NKX2-2: variants seen among roughly 807,000 people sequenced by gnomAD.
The protein encoded by NKX2-2 is homeobox protein Nkx-2.2.
In NKX2-2, 8 loss-of-function variants were observed where a neutral mutation model predicts 24.6. The ratio of observed to expected loss-of-function variants is 0.32; its 90% CI spans 0.19 to 0.59. NKX2-2 has a LOEUF of 0.59. Among genes scored for constraint, NKX2-2 ranks in the 20% least tolerant of loss-of-function variants. NKX2-2 has a pLI of 0.86. For synonymous variants in NKX2-2, 217 were observed against 173.3 expected (o/e 1.25, Z -1.98); for missense variants, 381 against 373.9 (o/e 1.02, Z -0.16).
At position 21,512,130 on chromosome 20, in the gene NKX2-2, C is replaced by T; in HGVS notation, c.615G>A (p.Val205=). The T allele has an allele frequency of 3.7e-6, 6 of 1,613,690 alleles. No individual in the cohort carries two copies. The highest frequency in any genetic ancestry group is 1.1e-5 in the South Asian group (1 of 91,064). The change falls in exon 2 of 2, where the codon GTG becomes GTA. Residue 205 remains valine, a synonymous_variant. Coordinates refer to ENST00000377142, the MANE Select transcript of NKX2-2 (RefSeq NM_002509.4). The part of the protein sequence containing the change: ...TPLPSPRRVA[V]PVLVRDGKPC... ...GTTTGCCGTCCCTGACCAAGACGGGCACGGCCACCCGGCGCGGCGAGGGCA... is the reference window on the plus strand; with the variant it reads ...GTTTGCCGTCCCTGACCAAGACGGGTACGGCCACCCGGCGCGGCGAGGGCA...
the NKX2-2 span, among the ~76,000 whole-genome samples, chr20:21,520,911 GAA>G: frequency 6.6e-6 from 1 of 152,200 alleles, no homozygotes; most frequent in Non-Finnish European, 1.5e-5. Context: ...AACACGCGCT[GAA>G]AGCACTCTCT....
chr20:21,515,266 CGGGGGT>C (rs1003206511), upstream of NKX2-2, among the ~76,000 whole-genome samples: 38 of 41,542 alleles, frequency 9.1e-4, no homozygotes, highest in Non-Finnish European at 1.7e-3. Context: ...GGCGGGATTG[CGGGGGT>C]GGGGGTGGGG....
At chr20:21,521,810 C>G in the NKX2-2 span, among the ~76,000 whole-genome samples, 3 of 152,232 alleles carry the variant, frequency 2.0e-5, no homozygotes, top group Non-Finnish European at 4.4e-5. Context: ...CGCGCCCGCT[C>G]CGCCTTCTAC....
chr20:21,519,696 C>G, the NKX2-2 span, among the ~76,000 whole-genome samples: 2 of 152,230 alleles, frequency 1.3e-5, no homozygotes, highest in Admixed American at 1.3e-4. Context: ...AGGAGTACTA[C>G]CCCGTGCTGG....
chr20:21,518,937 C>T (rs1041245277), upstream of NKX2-2, among the ~76,000 whole-genome samples: 1 of 152,160 alleles, frequency 6.6e-6, no homozygotes, highest in Admixed American at 6.5e-5. Context: ...CATCCTTCCC[C>T]GTTCAAGCCG....
upstream of NKX2-2, among the ~76,000 whole-genome samples, chr20:21,515,495 T>G (rs567579006): frequency 0.011 from 1,743 of 152,132 alleles, 32 homozygotes; most frequent in African/African-American, 0.04. Context: ...CACTCTCGGC[T>G]CTGGGAACTG....
Position 21,511,654 on chromosome 20 carries a change from CAA to C in NKX2-2, c.*267_*268del. 2.9e-6 allele frequency: 1 copy of C among 342,454 alleles called. No homozygotes were observed. Among genetic ancestry groups the C allele is most frequent in the Non-Finnish European group, 5.2e-6 (1 of 192,414 alleles). The allele number at this position is 342,454 out of a possible 1,614,324, so 21.2% of individuals were successfully genotyped here. On this transcript the variant is annotated 3_prime_UTR_variant, in exon 2 of 2. Coordinates refer to ENST00000377142, the MANE Select transcript of NKX2-2 (RefSeq NM_002509.4). ...GGAGAGGCAAAGAAGCGAAGCTGCG[CAA>C]ACATTCTGTAAACACGGCGTAGAGT...
rs1980408240 is a variant in NKX2-2, at chr20:21,511,075, C to T, written c.*848G>A. 1 of 152,616 alleles carries T rather than the reference C, an allele frequency of 6.6e-6. No homozygotes were observed. The highest frequency in any genetic ancestry group is 2.4e-5 in the African/African-American group (1 of 41,470). 9.5% of individuals were successfully genotyped at this position (152,616 alleles called of 1,614,324 possible). A position where few individuals can be genotyped will look rare whatever the true frequency, so the allele number is the denominator to read the frequency against. ...AAATTCTTATTTAAAAAATCGAAAG[C>T]TTTCTGCGCCCGGCGCTGTTGGGGA... On this transcript the variant is annotated 3_prime_UTR_variant, in exon 2 of 2. Transcript: ENST00000377142.
At chr20:21,522,484 T>G in the NKX2-2 span, among the ~76,000 whole-genome samples, 2 of 152,070 alleles carry the variant, frequency 1.3e-5, no homozygotes, top group East Asian at 1.9e-4. Flanking sequence ...CGGGCTCCGC[T>G]GCGGCTCCCG....
rs1980513997 is a variant in NKX2-2, at chr20:21,513,432, T to C, written c.238A>G (p.Thr80Ala). Residue 80 changes from threonine to alanine, a missense_variant, in exon 1 of 2, where the codon ACC (threonine) becomes GCC (alanine). By Grantham distance (58) the Thr-to-Ala change is moderately conservative. This residue lies in a region of NKX2-2 where 206 missense variants were observed against 173.1 expected (regional missense o/e 1.19). Transcript: ENST00000377142. This position sits in a 1 kb window ranked among gnomAD's most constrained non-coding sequence, Gnocchi z 4.6. ...TTACGGGAGTACTGAAGGCCCTCGG[T>C]GCTGGCCAGCCAGCGCGTGTACGGG... ...DNPYTRWLAS[T>A]EGLQYSLHGL... 1 of 1,591,102 alleles carries C rather than the reference T, an allele frequency of 6.3e-7. No homozygotes were observed. The highest frequency in any genetic ancestry group is 1.4e-5 in the African/African-American group (1 of 73,854).
At chr20:21,514,887 C>A (rs1264785506), upstream of NKX2-2, among the ~76,000 whole-genome samples, 2 of 152,240 alleles carry the variant, frequency 1.3e-5, no homozygotes, top group African/African-American at 4.8e-5. Context: ...CCGGCCAGAG[C>A]CACCACCAAG....
chr20:21,521,575 A>G, the NKX2-2 span, among the ~76,000 whole-genome samples: 1 of 152,082 alleles, frequency 6.6e-6, no homozygotes, highest in Non-Finnish European at 1.5e-5. Context: ...CTCACGTCCC[A>G]GTTCCGTCTG....
upstream of NKX2-2, among the ~76,000 whole-genome samples, chr20:21,514,587 C>A (rs1168786627): frequency 6.6e-6 from 1 of 152,212 alleles, no homozygotes; most frequent in Non-Finnish European, 1.5e-5. Flanking sequence ...CCGGTTCCTA[C>A]CTCCCCGCCC....
At chr20:21,512,622 T>G (rs1181106029) in intron 1 of NKX2-2, 137 bp from the exon 2 acceptor site, 4 of 674,368 alleles carry the variant, frequency 5.9e-6, no homozygotes, top group Non-Finnish European at 9.9e-6. Context: ...GCCTTTGCCA[T>G]GACCCCTGCC....
chr20:21,519,964 A>C, the NKX2-2 span, among the ~76,000 whole-genome samples: 2 of 152,130 alleles, frequency 1.3e-5, no homozygotes, highest in African/African-American at 4.8e-5. Flanking sequence ...TGTGAAAAGA[A>C]AGGAAATCTC....
upstream of NKX2-2, among the ~76,000 whole-genome samples, chr20:21,514,390 C>T (rs1600261878): frequency 6.8e-6 from 1 of 146,508 alleles, no homozygotes; most frequent in Admixed American, 6.9e-5. Context: ...ATTGCAAAGA[C>T]GGGGCGAGCC....
chr20:21,522,036 C>G, the NKX2-2 span, among the ~76,000 whole-genome samples: 4 of 152,230 alleles, frequency 2.6e-5, no homozygotes, highest in Non-Finnish European at 4.4e-5. Flanking sequence ...GGGACAGTCC[C>G]GCTTTCCCTG....
Position 21,512,374 on chromosome 20 carries a change from T to TC in NKX2-2, c.370dup (p.Asp124GlyfsTer186), listed in dbSNP as rs752776917. 4 of 1,602,902 alleles carry TC rather than the reference T, an allele frequency of 2.5e-6. No homozygotes were observed. Among genetic ancestry groups the TC allele is most frequent in the South Asian group, 1.1e-5 (1 of 89,644 alleles). ...TCGCCGCTTTCGCTTCTTGCCGGCG[T>TC]CCCCCCCGCCGCCCGGGGTCTCCTT... On this transcript the variant is annotated frameshift_variant, in exon 2 of 2. Transcript: ENST00000377142. LOFTEE classifies it high-confidence loss of function.
Position 21,512,492 on chromosome 20 carries a change from G to A in NKX2-2, c.260-7C>T, listed in dbSNP as rs1427589696. The A allele has an allele frequency of 3.2e-6, 5 of 1,547,988 alleles. No individual in the cohort carries two copies. The highest frequency in any genetic ancestry group is 4.3e-6 in the Non-Finnish European group (5 of 1,154,854). ...CCGGCAGCCAGACCGTGCACTGGGG[G>A]GAGGGGGAGAGAGAAGCGCGTCAGG... On this transcript the variant is annotated splice_region_variant and splice_polypyrimidine_tract_variant and intron_variant, in intron 1 of 1. Coordinates refer to ENST00000377142, the MANE Select transcript of NKX2-2 (RefSeq NM_002509.4).
Sources: allele counts gnomAD v4.1 joint callset (sites outside exome capture counted in the v4.1 genomes callset), GRCh38; gene constraint gnomAD v4.1.1; regional missense constraint gnomAD v4.1.1; non-coding constraint Gnocchi (gnomAD v3.1); transcripts MANE v1.5; gene names NCBI Gene and HGNC (gene_info 2026-07-23, HGNC 2026-07-21).